The following LINGO2 variants were observed in gnomAD, a reference collection of about 807,000 sequenced individuals.
LINGO2 encodes leucine rich repeat and Ig domain containing 2, also known as leucine-rich repeat and immunoglobulin-like domain-containing nogo receptor-interacting protein 2.
Under a neutral mutation model 30.6 loss-of-function variants are expected in LINGO2, and 14 were observed. The observed-to-expected ratio is 0.46, with a 90% CI of 0.30 to 0.72. LINGO2 has a LOEUF of 0.72. LINGO2 is among the 30% of genes least tolerant of loss of function. LINGO2 has a pLI of 0.07. For missense variants in LINGO2, 729 were observed against 751.7 expected (o/e 0.97, Z 0.35); for synonymous variants, 317 against 288.5 (o/e 1.10, Z -1.00).
At chr9:28,045,124 G>T (rs1355940165) in intron 4 of LINGO2, among the ~76,000 whole-genome samples, 1 of 151,702 alleles carries the variant, frequency 6.6e-6, no homozygotes, top group Non-Finnish European at 1.5e-5. Context: ...CCATCCTTAT[G>T]ATCCCACATA....
chr9:28,389,559 C>T (rs1473910847), intron 2 of LINGO2, among the ~76,000 whole-genome samples: 1 of 152,156 alleles, frequency 6.6e-6, no homozygotes, highest in Non-Finnish European at 1.5e-5. Context: ...GATCTCTAGA[C>T]GTCAGCATTC....
the LINGO2 span, among the ~76,000 whole-genome samples, chr9:28,763,210 T>C: frequency 6.6e-6 from 1 of 151,972 alleles, no homozygotes; most frequent in Non-Finnish European, 1.5e-5. Context: ...CTAAAAGACA[T>C]ATACAGAAGT....
intron 4 of LINGO2, among the ~76,000 whole-genome samples, chr9:28,133,877 C>A (rs1428406613): frequency 6.6e-6 from 1 of 152,152 alleles, no homozygotes; most frequent in Non-Finnish European, 1.5e-5. Flanking sequence ...TTTACTAATG[C>A]CCAAATTTAT....
intron 2 of LINGO2, among the ~76,000 whole-genome samples, chr9:28,410,007 G>T (rs1203583082): frequency 1.1e-5 from 1 of 95,018 alleles, no homozygotes; most frequent in Non-Finnish European, 2.7e-5. Flanking sequence ...GAAGAGGGCT[G>T]AAGGGAGGGA....
intron 4 of LINGO2, among the ~76,000 whole-genome samples, chr9:28,244,259 G>A (rs1343952258): frequency 6.6e-6 from 1 of 152,136 alleles, no homozygotes; most frequent in Non-Finnish European, 1.5e-5. Flanking sequence ...CAGAAATCAA[G>A]AAGTTCTTTG....
intron 1 of LINGO2, among the ~76,000 whole-genome samples, chr9:28,545,369 T>A (rs1821884938): frequency 6.6e-6 from 1 of 152,078 alleles, no homozygotes; most frequent in African/African-American, 2.4e-5. Flanking sequence ...ACATTTCTGT[T>A]CAATTTTTAA....
chr9:29,139,035 G>A, the LINGO2 span, among the ~76,000 whole-genome samples: 1 of 152,090 alleles, frequency 6.6e-6, no homozygotes, highest in Non-Finnish European at 1.5e-5. Context: ...ACACTCTTTT[G>A]CTCACTCATT....
rs933078222 is a variant in LINGO2 at position 27,993,764 on chromosome 9, C to G, written c.-36+18591G>C. On this transcript the variant is annotated intron_variant, in intron 5 of 5. Transcript: ENST00000379992. ...AGGTAATCTTACATTTTAACATTTA[C>G]CCCTAGTACCTAGTAAATGGCTGCA... is the stretch of plus-strand genomic sequence containing the variant. Among the ~76,000 whole-genome samples the G allele has an allele frequency of 3.3e-5, 5 of 152,088 alleles. No individual in the cohort carries two copies. In the South Asian group the frequency reaches 6.2e-4, roughly 19 times the overall value.
the LINGO2 span, among the ~76,000 whole-genome samples, chr9:28,788,627 A>G: frequency 6.6e-6 from 1 of 152,174 alleles, no homozygotes; most frequent in Non-Finnish European, 1.5e-5. Flanking sequence ...GAAACTTACA[A>G]TCATGGTGGA....
intron 4 of LINGO2, among the ~76,000 whole-genome samples, chr9:28,163,362 T>C (rs1273168215): frequency 6.6e-6 from 1 of 152,134 alleles, no homozygotes; most frequent in Non-Finnish European, 1.5e-5. Flanking sequence ...AGGTTAGTAA[T>C]AACTAGACAC....
At chr9:28,034,517 C>T (rs960224344) in intron 4 of LINGO2, among the ~76,000 whole-genome samples, 4 of 152,114 alleles carry the variant, frequency 2.6e-5, no homozygotes, top group African/African-American at 9.7e-5. Flanking sequence ...ATTTCAGCAA[C>T]TCACAAAGAA....
rs1051617998 is a variant in LINGO2, at chr9:28,413,898, G to T, written c.-278-41030C>A. Among the ~76,000 whole-genome samples, 18 of 152,024 alleles carry T rather than the reference G, an allele frequency of 1.2e-4. No homozygotes were observed. The South Asian group carries it at 3.5e-3, about 30-fold the overall frequency. ...AAACAGACTGGTGCTTTGAAGAGAG[G>T]CTGTAAAAATATAAGCAGTATTAAT... On this transcript the variant is annotated intron_variant, in intron 2 of 5. Transcript: ENST00000379992.
intron 4 of LINGO2, among the ~76,000 whole-genome samples, chr9:28,223,021 T>G (rs1821021234): frequency 6.6e-6 from 1 of 152,024 alleles, no homozygotes; most frequent in Non-Finnish European, 1.5e-5. Flanking sequence ...AGGAGAAGAA[T>G]CACCTGAAAA....
the LINGO2 span, among the ~76,000 whole-genome samples, chr9:28,889,283 T>C: frequency 9.2e-5 from 14 of 152,128 alleles, no homozygotes; most frequent in Non-Finnish European, 1.6e-4. Flanking sequence ...CAGTCTCCAA[T>C]GCCAAATGAG....
intron 1 of LINGO2, among the ~76,000 whole-genome samples, chr9:28,571,360 T>C (rs1342323477): frequency 6.6e-6 from 1 of 152,096 alleles, no homozygotes; most frequent in African/African-American, 2.4e-5. Context: ...GTTTAATTAC[T>C]GGTATTCCAT....
At chr9:28,555,954 G>A (rs1822657439) in intron 1 of LINGO2, among the ~76,000 whole-genome samples, 1 of 152,030 alleles carries the variant, frequency 6.6e-6, no homozygotes, top group Non-Finnish European at 1.5e-5. Flanking sequence ...AGCCCTTCAT[G>A]CTAAAAACTC....
chr9:29,077,795 C>T, the LINGO2 span, among the ~76,000 whole-genome samples: 2 of 151,554 alleles, frequency 1.3e-5, no homozygotes, highest in Non-Finnish European at 2.9e-5. Flanking sequence ...AACATATCAA[C>T]CAATCACAGG....
intron 4 of LINGO2, among the ~76,000 whole-genome samples, chr9:28,273,690 C>T (rs924166933): frequency 6.6e-6 from 1 of 152,090 alleles, no homozygotes; most frequent in African/African-American, 2.4e-5. Context: ...CGACTTTGGG[C>T]AACTAATGGT....
At chr9:28,424,779 C>A (rs1202528005) in intron 2 of LINGO2, among the ~76,000 whole-genome samples, 2 of 152,068 alleles carry the variant, frequency 1.3e-5, no homozygotes, top group Non-Finnish European at 2.9e-5. Context: ...TTTAGCTACA[C>A]TTGTGTCAAT....
Sources: allele counts gnomAD v4.1 joint callset (sites outside exome capture counted in the v4.1 genomes callset), GRCh38; gene constraint gnomAD v4.1.1; transcripts MANE v1.5; gene names NCBI Gene and HGNC (gene_info 2026-07-23, HGNC 2026-07-21).